The following USP25 variants were observed in gnomAD, a reference collection of about 807,000 sequenced individuals.
The protein encoded by USP25 is ubiquitin carboxyl-terminal hydrolase 25.
A neutral mutation model predicts 158.5 loss-of-function variants in USP25; 85 were observed. The ratio of observed to expected loss-of-function variants is 0.54; its 90% CI spans 0.45 to 0.64. The LOEUF (loss-of-function observed/expected upper bound fraction) is 0.64. USP25 is among the 30% of genes least tolerant of loss of function. The pLI is 0.00. For missense variants in USP25, 1,242 were observed against 1,327.3 expected (o/e 0.94, Z 1.00); for synonymous variants, 464 against 460.4 (o/e 1.01, Z -0.10).
At position 15,826,391 on chromosome 21, in the gene USP25, A is replaced by G. The variant is rs778498671; in HGVS notation, c.1466+26A>G. ...GTAAAAAGTAATCCTGATGCAAGAG[A>G]CAGTTGTTACCTTTATTACACAATA... is the stretch of plus-strand genomic sequence containing the variant. On this transcript the variant is annotated intron_variant, in intron 13 of 25. Transcript: ENST00000400183. This position sits in a 1 kb window ranked among gnomAD's most constrained non-coding sequence, Gnocchi z 4.8. The G allele has an allele frequency of 1.9e-6, 3 of 1,611,996 alleles. No individual in the cohort carries two copies. In the Admixed American group the frequency reaches 5.0e-5, roughly 27 times the overall value.
chr21:15,732,032 T>C (rs888139302), intron 1 of USP25, among the ~76,000 whole-genome samples: 11 of 152,236 alleles, frequency 7.2e-5, no homozygotes, highest in Non-Finnish European at 1.6e-4. Context: ...TGATTTTGAC[T>C]AAACTGTATT....
At chr21:15,827,776 G>GTC (rs1394164197) in intron 14 of USP25, among the ~76,000 whole-genome samples, 1 of 128,320 alleles carries the variant, frequency 7.8e-6, no homozygotes, top group Non-Finnish European at 1.6e-5. Flanking sequence ...GTGTGTGTGT[G>GTC]TGTGTGTGTG....
At chr21:15,754,407 C>T (rs369717661) in intron 1 of USP25, among the ~76,000 whole-genome samples, 6 of 152,162 alleles carry the variant, frequency 3.9e-5, no homozygotes, top group Admixed American at 6.6e-5. Flanking sequence ...CAGTGATGAA[C>T]GAATTATGGT....
chr21:15,873,781 C>T (rs552902112), intron 23 of USP25, among the ~76,000 whole-genome samples: 3 of 152,314 alleles, frequency 2.0e-5, no homozygotes, highest in South Asian at 2.1e-4. Context: ...GTGTGAGCCG[C>T]CGCACCCGGC....
chr21:15,834,520 CAG>C (rs1748336641), intron 17 of USP25, among the ~76,000 whole-genome samples: 1 of 152,054 alleles, frequency 6.6e-6, no homozygotes, highest in African/African-American at 2.4e-5. Context: ...CTTTCGCAGA[CAG>C]AGGTTTCCTT....
chr21:15,750,888 G>A (rs2032963872), intron 1 of USP25, among the ~76,000 whole-genome samples: 2 of 152,176 alleles, frequency 1.3e-5, no homozygotes, highest in South Asian at 4.2e-4. Context: ...AAAGTGCTTG[G>A]ATTACAGGCA....
At chr21:15,746,410 A>T (rs2032562950) in intron 1 of USP25, among the ~76,000 whole-genome samples, 2 of 151,990 alleles carry the variant, frequency 1.3e-5, no homozygotes, top group African/African-American at 2.4e-5. Context: ...TTTTGATGCT[A>T]TTGTAAGTGG....
intron 4 of USP25, among the ~76,000 whole-genome samples, chr21:15,788,417 T>C (rs537111031): frequency 6.6e-6 from 1 of 152,240 alleles, no homozygotes; most frequent in Non-Finnish European, 1.5e-5. Context: ...AACCAAGAAG[T>C]AGCAGCATTT....
At chr21:15,871,464 G>C (rs2039881467) in intron 23 of USP25, among the ~76,000 whole-genome samples, 1 of 152,156 alleles carries the variant, frequency 6.6e-6, no homozygotes, top group African/African-American at 2.4e-5. Flanking sequence ...ACTTCACAGA[G>C]ATGTAGTAAC....
chr21:15,797,683 A>T (rs2035926815), intron 5 of USP25, among the ~76,000 whole-genome samples: 1 of 151,248 alleles, frequency 6.6e-6, no homozygotes, highest in Admixed American at 6.6e-5. Context: ...ACCTGCCAAG[A>T]TTCTCTTTCC....
intron 17 of USP25, among the ~76,000 whole-genome samples, chr21:15,835,911 C>T (rs1277501092): frequency 6.6e-6 from 1 of 152,156 alleles, no homozygotes; most frequent in African/African-American, 2.4e-5. Context: ...TTCTCTGTTG[C>T]AGGATAGTTT....
rs139637695 is a variant in USP25 at position 15,763,122 on chromosome 21, A to C, written c.123+154A>C. 2.1e-3 allele frequency among the ~76,000 whole-genome samples: 320 copies of C among 152,274 alleles called. 2 individuals carry two copies. Among genetic ancestry groups the C allele is most frequent in the Admixed American group, 3.8e-3 (58 of 15,290 alleles). On this transcript the variant is annotated intron_variant, in intron 2 of 25. Coordinates refer to ENST00000400183, the MANE Select transcript of USP25 (RefSeq NM_001283041.3). ...GTAAAGTAAAATCCTCAGTTAACAC[A>C]CTGCGGTTTTGAGGATGTTAGCTTT...
At chr21:15,787,900 T>G (rs142348797) in intron 4 of USP25, among the ~76,000 whole-genome samples, 3 of 69,904 alleles carry the variant, frequency 4.3e-5, no homozygotes, top group Non-Finnish European at 5.8e-5. Context: ...TAACACCCCC[T>G]CACCCCCCCC....
chr21:15,787,670 C>T (rs564735727), intron 4 of USP25, among the ~76,000 whole-genome samples: 51 of 151,746 alleles, frequency 3.4e-4, no homozygotes, highest in Non-Finnish European at 6.5e-4. Flanking sequence ...TTAAAAATAC[C>T]GTTAGTTTTG....
At chr21:15,851,916 A>G (rs565550494) in intron 20 of USP25, among the ~76,000 whole-genome samples, 1 of 152,090 alleles carries the variant, frequency 6.6e-6, no homozygotes, top group East Asian at 1.9e-4. Flanking sequence ...TGTATTTTCC[A>G]TATTTCATAT....
intron 22 of USP25, 67 bp downstream of exon 22, chr21:15,866,411 G>A (rs968489004): frequency 4.0e-5 from 50 of 1,240,224 alleles, no homozygotes; most frequent in Non-Finnish European, 5.3e-5. Flanking sequence ...TATTCCTTTC[G>A]TTTCAGCCCA....
chr21:15,812,650 CA>C (rs557050769), intron 9 of USP25, among the ~76,000 whole-genome samples: 11,959 of 107,042 alleles, frequency 0.11, 1,202 homozygotes, highest in African/African-American at 0.31. Context: ...GACTCCGTCT[CA>C]AAAAAAAAAA....
intron 1 of USP25, among the ~76,000 whole-genome samples, chr21:15,751,977 C>T (rs2033049808): frequency 6.6e-6 from 1 of 152,204 alleles, no homozygotes; most frequent in Non-Finnish European, 1.5e-5. Context: ...TCTTGTTGCG[C>T]AGGTTGGAGT....
chr21:15,741,907 A>G (rs2032092421), intron 1 of USP25, among the ~76,000 whole-genome samples: 1 of 152,228 alleles, frequency 6.6e-6, no homozygotes, highest in African/African-American at 2.4e-5. Context: ...CAAAGTAAAT[A>G]TTAAATTTAT....
Sources: gnomAD v4.1 joint callset for allele counts (sites outside exome capture counted in the v4.1 genomes callset) on GRCh38, gnomAD v4.1.1 for gene constraint, Gnocchi (gnomAD v3.1) non-coding constraint, MANE v1.5 for transcripts, NCBI Gene and HGNC (gene_info 2026-07-23, HGNC 2026-07-21) for gene names.